Variants in SH3PXD2A observed in about 807,000 individuals in gnomAD.
SH3PXD2A encodes SH3 and PX domains 2A, also known as SH3 and PX domain-containing protein 2A.
In SH3PXD2A, 32 loss-of-function variants were observed where a neutral mutation model predicts 115.2. That is an observed-to-expected ratio of 0.28 (90% confidence interval 0.21 to 0.37). The LOEUF (loss-of-function observed/expected upper bound fraction) is 0.37. SH3PXD2A is among the 10% of genes least tolerant of loss of function. SH3PXD2A has a pLI of 1.00. For missense variants in SH3PXD2A, 1,328 were observed against 1,498.7 expected (o/e 0.89, Z 1.88); for synonymous variants, 610 against 629.1 (o/e 0.97, Z 0.45).
intron 1 of SH3PXD2A, among the ~76,000 whole-genome samples, chr10:103,803,914 C>T (rs1232287473): frequency 6.6e-6 from 1 of 152,174 alleles, no homozygotes; most frequent in Non-Finnish European, 1.5e-5. Context: ...ACATTGGTTC[C>T]ATCTGGAAGG....
intron 4 of SH3PXD2A, among the ~76,000 whole-genome samples, chr10:103,728,751 T>C (rs996285104): frequency 6.6e-6 from 1 of 152,224 alleles, no homozygotes; most frequent in African/African-American, 2.4e-5. Flanking sequence ...CTGTGTCATT[T>C]AATCAGCACA....
intron 5 of SH3PXD2A, among the ~76,000 whole-genome samples, chr10:103,717,620 T>C (rs1470786620): frequency 1.3e-5 from 2 of 152,212 alleles, no homozygotes; most frequent in African/African-American, 4.8e-5. Context: ...CAGAACTGCA[T>C]CCTCCTGGGA....
intron 1 of SH3PXD2A, among the ~76,000 whole-genome samples, chr10:103,814,063 G>A (rs2039299474): frequency 6.6e-6 from 1 of 151,230 alleles, no homozygotes; most frequent in Non-Finnish European, 1.5e-5. Flanking sequence ...ATATTACAGA[G>A]TAATTTGTAC....
intron 6 of SH3PXD2A, among the ~76,000 whole-genome samples, chr10:103,685,361 A>AAG (rs1467783928): frequency 6.6e-6 from 1 of 150,914 alleles, no homozygotes; most frequent in Non-Finnish European, 1.5e-5. Context: ...AAAAAAAAAA[A>AAG]AGAGAATCCT....
intron 5 of SH3PXD2A, among the ~76,000 whole-genome samples, chr10:103,713,320 T>C (rs2038067773): frequency 6.6e-6 from 1 of 152,214 alleles, no homozygotes; most frequent in South Asian, 2.1e-4. Context: ...TGTTGCATGC[T>C]TGGACCACTG....
intron 2 of SH3PXD2A, among the ~76,000 whole-genome samples, chr10:103,781,887 T>C (rs2038934275): frequency 1.3e-5 from 2 of 152,028 alleles, no homozygotes; most frequent in Non-Finnish European, 2.9e-5. Flanking sequence ...GACACAAAGC[T>C]GAATTGCAGG....
chr10:103,692,707 C>A (rs2037771401), intron 6 of SH3PXD2A, among the ~76,000 whole-genome samples: 1 of 152,176 alleles, frequency 6.6e-6, no homozygotes, highest in Admixed American at 6.5e-5. Context: ...GGCTGCTCAC[C>A]GTGCGGGGGC....
At chr10:103,707,472 G>A (rs1378268860) in intron 5 of SH3PXD2A, among the ~76,000 whole-genome samples, 1 of 152,146 alleles carries the variant, frequency 6.6e-6, no homozygotes, top group Non-Finnish European at 1.5e-5. Flanking sequence ...TGGGATTATA[G>A]GCGTGAGCCA....
chr10:103,626,303 C>T lies in SH3PXD2A; in HGVS notation c.718+786G>A, dbSNP rs554012697. ...GCAGAAAGCAGGCCTGGAGGTGGCC[C>T]GAGCACCGGGTGGTGGCCTCAATCC... is the stretch of plus-strand genomic sequence containing the variant. On this transcript the variant is annotated intron_variant, in intron 9 of 14. Coordinates refer to ENST00000369774, the MANE Select transcript of SH3PXD2A (RefSeq NM_001394015.1). 3.3e-5 allele frequency among the ~76,000 whole-genome samples: 5 copies of T among 152,350 alleles called. No individual in the cohort carries two copies. In the South Asian group the frequency reaches 6.2e-4, roughly 19 times the overall value.
chr10:103,605,186 G>A (rs995513830), intron 14 of SH3PXD2A, among the ~76,000 whole-genome samples: 2 of 152,140 alleles, frequency 1.3e-5, no homozygotes, highest in African/African-American at 2.4e-5. Context: ...TGGGGGTGGC[G>A]GGTGAGAGAA....
chr10:103,657,279 A>AG (rs60234473), intron 8 of SH3PXD2A, among the ~76,000 whole-genome samples: 73,980 of 151,834 alleles, frequency 0.49, 18,254 homozygotes, highest in East Asian at 0.64. Context: ...AGTCCTAAGA[A>AG]GAAACAATCC....
chr10:103,829,907 TGCAA>T (rs1589474781), intron 1 of SH3PXD2A, among the ~76,000 whole-genome samples: 1 of 152,262 alleles, frequency 6.6e-6, no homozygotes, highest in African/African-American at 2.4e-5. Flanking sequence ...TATTTCCACT[TGCAA>T]GCAAAGCTAC....
intron 6 of SH3PXD2A, among the ~76,000 whole-genome samples, chr10:103,683,022 C>A (rs2037631068): frequency 6.6e-6 from 1 of 152,116 alleles, no homozygotes; most frequent in Non-Finnish European, 1.5e-5. Context: ...TCTACCCTCG[C>A]TCCTGCCGGG....
In SH3PXD2A at chr10:103,627,500, T is replaced by C. The variant is rs2036715810; in HGVS notation, c.605-298A>G. Among the ~76,000 whole-genome samples, 1 of 152,198 alleles carries C rather than the reference T, an allele frequency of 6.6e-6. No individual in the cohort carries two copies. The highest frequency in any genetic ancestry group is 1.5e-5 in the Non-Finnish European group (1 of 68,038). ...GATATGTCCAGTGTGTGAAAATTCA[T>C]CTTGCAGGAAAGGCCAAGGGAGCTC... is the stretch of plus-strand genomic sequence containing the variant. On this transcript the variant is annotated intron_variant, in intron 8 of 14. Coordinates refer to ENST00000369774, the MANE Select transcript of SH3PXD2A (RefSeq NM_001394015.1). The surrounding 1 kb of genome is among the most constrained non-coding windows in gnomAD (Gnocchi z 4.4).
Position 103,837,849 on chromosome 10 carries a change from C to T in SH3PXD2A, c.72+17346G>A, listed in dbSNP as rs547798216. ...GTCACCTGCTGCACCCACAGCCCTG[C>T]ACAACTCAGGGCTGCTCTCGAGAGG... On this transcript the variant is annotated intron_variant, in intron 1 of 14. Transcript: ENST00000369774. Among the ~76,000 whole-genome samples the T allele has an allele frequency of 5.3e-5, 8 of 152,288 alleles. 1 individual carries two copies. Among genetic ancestry groups the T allele is most frequent in the Admixed American group, 5.2e-4 (8 of 15,302 alleles).
chr10:103,824,403 C>T (rs1210180117), intron 1 of SH3PXD2A, among the ~76,000 whole-genome samples: 1 of 152,202 alleles, frequency 6.6e-6, no homozygotes, highest in Non-Finnish European at 1.5e-5. Context: ...CTTGCCCAGG[C>T]AAGTCCAGCT....
chr10:103,850,868 T>A (rs1842890269), intron 1 of SH3PXD2A, among the ~76,000 whole-genome samples: 1 of 152,160 alleles, frequency 6.6e-6, no homozygotes, highest in South Asian at 2.1e-4. Context: ...AACTAGTATA[T>A]GGTGCATGTC....
chr10:103,730,514 G>A (rs1356374701), intron 4 of SH3PXD2A, among the ~76,000 whole-genome samples: 2 of 152,024 alleles, frequency 1.3e-5, no homozygotes, highest in African/African-American at 2.4e-5. Context: ...TGAGTTCAGA[G>A]TATTCAAAAC....
At chr10:103,754,098 C>T (rs901027039) in intron 3 of SH3PXD2A, 2 of 152,266 alleles carry the variant, frequency 1.3e-5, no homozygotes, top group African/African-American at 4.8e-5. Context: ...CTCATCTCAA[C>T]TCTCCTCCCT....
Sources: gnomAD v4.1 joint callset for allele counts (sites outside exome capture counted in the v4.1 genomes callset) on GRCh38, gnomAD v4.1.1 for gene constraint, Gnocchi (gnomAD v3.1) non-coding constraint, MANE v1.5 for transcripts, NCBI Gene and HGNC (gene_info 2026-07-23, HGNC 2026-07-21) for gene names.